TTC39C: variants seen among roughly 807,000 people sequenced by gnomAD.
TTC39C encodes the protein tetratricopeptide repeat domain 39C.
Under a neutral mutation model 76.3 loss-of-function variants are expected in TTC39C, and 33 were observed. That is an observed-to-expected ratio of 0.43 (90% CI 0.33 to 0.58). The LOEUF (loss-of-function observed/expected upper bound fraction) is 0.58. Ranked by LOEUF, TTC39C falls within the 20% of genes least tolerant of loss-of-function variation. The probability of loss-of-function intolerance (pLI) is 0.04; values close to 1 mark genes in which losing one functional copy is unlikely to be tolerated. For synonymous variants in TTC39C, 254 were observed against 260.6 expected, an observed-to-expected ratio of 0.97 and a Z score of 0.24; for missense variants, 595 against 701.4, an observed-to-expected ratio of 0.85 and a Z score of 1.71.
intron 6 of TTC39C, among the ~76,000 whole-genome samples, chr18:24,107,636 T>G (rs572657745): frequency 6.6e-6 from 1 of 152,244 alleles, no homozygotes; most frequent in Non-Finnish European, 1.5e-5. Context: ...CTTCGCCTTC[T>G]GCCATGATTG....
At chr18:23,996,107 T>G (rs1446800516) in intron 1 of TTC39C, among the ~76,000 whole-genome samples, 1 of 152,218 alleles carries the variant, frequency 6.6e-6, no homozygotes, top group Non-Finnish European at 1.5e-5. Context: ...AGCCATTCTG[T>G]AGGTGTGTAG....
intron 1 of TTC39C, among the ~76,000 whole-genome samples, chr18:24,062,175 C>T (rs1034663843): frequency 6.6e-6 from 1 of 152,134 alleles, no homozygotes; most frequent in Non-Finnish European, 1.5e-5. Context: ...AATTAATTGC[C>T]GCAGCTCTCA....
chr18:24,012,744 C>T (rs1007673676), upstream of TTC39C, among the ~76,000 whole-genome samples: 4 of 152,140 alleles, frequency 2.6e-5, no homozygotes, highest in East Asian at 3.9e-4. Flanking sequence ...TCAGGGTGAC[C>T]TCGGGCAGTG....
upstream of TTC39C, among the ~76,000 whole-genome samples, chr18:24,011,448 G>A (rs549387293): frequency 6.6e-6 from 1 of 152,272 alleles, no homozygotes; most frequent in Non-Finnish European, 1.5e-5. Context: ...CAGGAGAGGC[G>A]GCCCTGTCTG....
chr18:24,109,191 A>AAAAAAAAAAG, intron 6 of TTC39C, among the ~76,000 whole-genome samples: 1 of 151,272 alleles, frequency 6.6e-6, no homozygotes, highest in African/African-American at 2.4e-5. Flanking sequence ...AAAAAAAAAA[A>AAAAAAAAAAG]AAAAAAAGTT....
intron 6 of TTC39C, 120 bp downstream of exon 6, chr18:24,083,201 T>G: frequency 3.7e-6 from 4 of 1,076,024 alleles, no homozygotes; most frequent in Non-Finnish European, 5.1e-6. Context: ...CATTTTGTTC[T>G]TTTGCCTTTC....
At chr18:24,056,547 A>G (rs1170849833) in intron 1 of TTC39C, among the ~76,000 whole-genome samples, 1 of 146,452 alleles carries the variant, frequency 6.8e-6, no homozygotes, top group African/African-American at 2.5e-5. Context: ...TTGAGAATCA[A>G]ATATATACAT....
At chr18:24,023,946 G>A (rs201120467) in intron 1 of TTC39C, among the ~76,000 whole-genome samples, 26 of 16,560 alleles carry the variant, frequency 1.6e-3, no homozygotes, top group South Asian at 7.1e-3. Context: ...ATATATATAT[G>A]CATGTATATA....
intron 1 of TTC39C, among the ~76,000 whole-genome samples, chr18:24,037,922 C>T (rs912947758): frequency 2.6e-5 from 4 of 152,080 alleles, no homozygotes; most frequent in Admixed American, 2.0e-4. Context: ...ATTTTTCAGG[C>T]GACATGTTTC....
At chr18:24,117,982 T>C in intron 7 of TTC39C, 143 bp from the exon 8 acceptor site, 1 of 539,950 alleles carries the variant, frequency 1.9e-6, no homozygotes, top group Non-Finnish European at 3.1e-6. Flanking sequence ...AAAAATAATT[T>C]CTTAGGTTTT....
chr18:24,085,471 T>A (rs2084427740), intron 6 of TTC39C, among the ~76,000 whole-genome samples: 1 of 152,248 alleles, frequency 6.6e-6, no homozygotes, highest in Non-Finnish European at 1.5e-5. Flanking sequence ...AATCTTACTT[T>A]GACATGGTTT....
rs1158218044 is a variant in TTC39C at position 24,133,339 on chromosome 18, C to G, written c.*765C>G. 2 of 152,176 alleles carry G rather than the reference C, an allele frequency of 1.3e-5. No homozygotes were observed. Among genetic ancestry groups the G allele is most frequent in the Middle Eastern group, 3.2e-3 (1 of 316 alleles). 9.4% of individuals were successfully genotyped at this position (152,176 alleles called of 1,614,324 possible). On this transcript the variant is annotated 3_prime_UTR_variant, in exon 14 of 14. Coordinates refer to ENST00000317571, the MANE Select transcript of TTC39C (RefSeq NM_001135993.2). ...AGAATGTTTCAAAGCGATGGACACT[C>G]TTTTTCCTTTGAAAGCCAACCAAGT...
At chr18:24,091,397 A>G (rs1181470253) in intron 6 of TTC39C, among the ~76,000 whole-genome samples, 4 of 152,204 alleles carry the variant, frequency 2.6e-5, no homozygotes, top group Non-Finnish European at 5.9e-5. Flanking sequence ...ATCAGAGATC[A>G]TGCCACTGCA....
At chr18:23,998,958 C>T (rs1352468496) in intron 1 of TTC39C, among the ~76,000 whole-genome samples, 3 of 145,156 alleles carry the variant, frequency 2.1e-5, no homozygotes, top group Non-Finnish European at 4.5e-5. Context: ...ATTTACACAG[C>T]TGCCAGGTGA....
intron 6 of TTC39C, among the ~76,000 whole-genome samples, chr18:24,099,503 A>G (rs185117274): frequency 7.9e-5 from 12 of 152,076 alleles, no homozygotes; most frequent in Admixed American, 2.6e-4. Context: ...TAACAATGTT[A>G]TATATAATAT....
intron 6 of TTC39C, among the ~76,000 whole-genome samples, chr18:24,093,711 G>A (rs1289694598): frequency 6.6e-6 from 1 of 152,188 alleles, no homozygotes; most frequent in Non-Finnish European, 1.5e-5. Flanking sequence ...TAAAAGTTAA[G>A]TTTACATTGC....
intron 1 of TTC39C, among the ~76,000 whole-genome samples, chr18:24,061,836 G>A (rs1747321461): frequency 6.6e-6 from 1 of 152,146 alleles, no homozygotes; most frequent in Non-Finnish European, 1.5e-5. Flanking sequence ...CCTGGGAGGC[G>A]GATGTTGCAG....
At chr18:24,045,920 TA>T (rs1568417474) in intron 1 of TTC39C, among the ~76,000 whole-genome samples, 40 of 27,650 alleles carry the variant, frequency 1.4e-3, no homozygotes, top group African/African-American at 5.6e-3. Flanking sequence ...TATATATATA[TA>T]TATATATTTT....
intron 7 of TTC39C, among the ~76,000 whole-genome samples, chr18:24,115,483 A>G (rs1440267042): frequency 6.6e-6 from 1 of 152,264 alleles, no homozygotes; most frequent in African/African-American, 2.4e-5. Context: ...CACACCATGT[A>G]GCACATAAAA....
Sources: gnomAD v4.1 joint callset for allele counts (sites outside exome capture counted in the v4.1 genomes callset) on GRCh38, gnomAD v4.1.1 for gene constraint, MANE v1.5 for transcripts, NCBI Gene and HGNC (gene_info 2026-07-23, HGNC 2026-07-21) for gene names.